FUS: variants seen among roughly 807,000 people sequenced by gnomAD.
FUS encodes FUS RNA binding protein, also known as RNA-binding protein FUS.
In FUS, 5 loss-of-function variants were observed where a neutral mutation model predicts 82.7. The observed-to-expected ratio is 0.06, with a 90% confidence interval of 0.03 to 0.13. The LOEUF (loss-of-function observed/expected upper bound fraction) is 0.13. Ranked by LOEUF, FUS falls within the 10% of genes least tolerant of loss-of-function variation. FUS has a pLI of 1.00. For synonymous variants in FUS, 281 were observed against 247.4 expected, an observed-to-expected ratio of 1.14 and a Z score of -1.27; for missense variants, 512 against 707.8, an observed-to-expected ratio of 0.72 and a Z score of 3.14.
At position 31,182,220 on chromosome 16, in the gene FUS, A is replaced by G. The variant is rs140534418; in HGVS notation, c.14-178A>G. The G allele has an allele frequency of 6.2e-5, 44 of 711,384 alleles. No individual in the cohort carries two copies. The Middle Eastern group carries it at 7.1e-4, about 12-fold the overall frequency. The allele number at this position is 711,384 out of a possible 1,614,324, so 44.1% of individuals were successfully genotyped here. A position where few individuals can be genotyped will look rare whatever the true frequency, so the allele number is the denominator to read the frequency against. ...TGGTCAGGCCAGTCTCGAATTCCTG[A>G]CCTCAAGTGATCCACCCACCTCGGC... On this transcript the variant is annotated intron_variant, in intron 1 of 14. Transcript: ENST00000254108.
rs541388133 is a variant in FUS, at chr16:31,184,866, C to G, written c.524-73C>G. The G allele has an allele frequency of 3.9e-6, 6 of 1,523,706 alleles. No individual in the cohort carries two copies. In the African/African-American group the frequency reaches 4.1e-5, roughly 10 times the overall value. 94.4% of individuals were successfully genotyped at this position (1,523,706 alleles called of 1,614,324 possible). A position where few individuals can be genotyped will look rare whatever the true frequency, so the allele number is the denominator to read the frequency against. On this transcript the variant is annotated intron_variant, in intron 5 of 14. Transcript: ENST00000254108. ...CTTCATTGCCTGGCACTTGTCAAACCTTTTCAAACCTTTTAGTGCTACTTT... is the reference window on the plus strand; with the variant it reads ...CTTCATTGCCTGGCACTTGTCAAACGTTTTCAAACCTTTTAGTGCTACTTT...
chr16:31,184,432 C>A, intron 5 of FUS, 36 bp downstream of exon 5: 404 of 1,283,060 alleles, frequency 3.1e-4, no homozygotes, highest in Non-Finnish European at 4.0e-4. Flanking sequence ...AGCCCATTTT[C>A]TTTTTCTTTT....
Position 31,191,379 on chromosome 16 carries a change from T to G in FUS, c.1542-20T>G, listed in dbSNP as rs2079356682. 1.2e-6 allele frequency: 1 copy of G among 857,570 alleles called. No homozygotes were observed. Among genetic ancestry groups the G allele is most frequent in the African/African-American group, 1.7e-5 (1 of 57,328 alleles). The allele number at this position is 857,570 out of a possible 1,614,324, so 53.1% of individuals were successfully genotyped here. A position where few individuals can be genotyped will look rare whatever the true frequency, so the allele number is the denominator to read the frequency against. On this transcript the variant is annotated intron_variant, in intron 14 of 14. Coordinates refer to ENST00000254108, the MANE Select transcript of FUS (RefSeq NM_004960.4). ...AACTCAAATATAATGGATACTTAAT[T>G]TTTTTTTTTTTTTTTGCAGGGGTGA...
At chr16:31,194,469 T>G (rs1404191617), downstream of FUS, 4 of 501,084 alleles carry the variant, frequency 8.0e-6, no homozygotes, top group Non-Finnish European at 1.2e-5. Context: ...AATTTTTTTT[T>G]GTATTTTTTG....
At chr16:31,193,132 G>T (rs1030270218), downstream of FUS, 3 of 484,546 alleles carry the variant, frequency 6.2e-6, no homozygotes, top group African/African-American at 5.9e-5. Flanking sequence ...AGTAGAGACG[G>T]GGTTTCTCCA....
At chr16:31,180,490 G>A (rs2058039352) in intron 1 of FUS, among the ~76,000 whole-genome samples, 1 of 152,160 alleles carries the variant, frequency 6.6e-6, no homozygotes, top group African/African-American at 2.4e-5. Context: ...GCTTCTTAGG[G>A]GTTTGAAGCG....
intron 1 of FUS, among the ~76,000 whole-genome samples, chr16:31,182,015 T>TA (rs990238346): frequency 7.2e-5 from 11 of 152,178 alleles, no homozygotes; most frequent in African/African-American, 2.7e-4. Flanking sequence ...TTTTATTTTT[T>TA]TTTTTGAGAT....
intron 12 of FUS, 161 bp from the exon 13 acceptor site, chr16:31,190,581 G>A (rs2079339639): frequency 3.4e-6 from 4 of 1,172,204 alleles, no homozygotes; most frequent in Admixed American, 3.4e-5. Context: ...ATTGGGTTCA[G>A]TAATACTGAT....
chr16:31,188,193 C>T (rs1224621722), intron 7 of FUS, 132 bp from the exon 8 acceptor site: 9 of 932,398 alleles, frequency 9.7e-6, no homozygotes, highest in South Asian at 1.5e-5. Context: ...AGGCTGTGAG[C>T]ACTTACTTGA....
downstream of FUS, chr16:31,194,057 G>A (rs561018657): frequency 3.7e-6 from 2 of 534,304 alleles, no homozygotes; most frequent in South Asian, 3.1e-5. Context: ...AGGGTGGGGA[G>A]AGCTGTGCTG....
At chr16:31,192,850 G>A (rs1193656345), downstream of FUS, 18 of 484,054 alleles carry the variant, frequency 3.7e-5, no homozygotes, top group Non-Finnish European at 4.1e-6. Context: ...GGAATTACAG[G>A]CATGAGCCGC....
downstream of FUS, chr16:31,193,180 G>A (rs2079383272): frequency 2.0e-6 from 1 of 489,932 alleles, no homozygotes; most frequent in East Asian, 4.8e-5. Context: ...GACCTCAGGT[G>A]ATGTGCACAC....
chr16:31,192,504 A>G (rs1170829864), downstream of FUS: 1 of 515,130 alleles, frequency 1.9e-6, no homozygotes, highest in Admixed American at 2.3e-5. Context: ...TGCCATCACA[A>G]GCATAGCTTA....
At position 31,184,075 on chromosome 16, in the gene FUS, A is replaced by G; in HGVS notation, c.335+73A>G. On this transcript the variant is annotated intron_variant, in intron 4 of 14. Coordinates refer to ENST00000254108, the MANE Select transcript of FUS (RefSeq NM_004960.4). ...GATGAGGAATGATAAAGGGACCAGCAGTAGGAGCAGTTCAGAGGTGTAATT... is the reference window on the plus strand; with the variant it reads ...GATGAGGAATGATAAAGGGACCAGCGGTAGGAGCAGTTCAGAGGTGTAATT... The G allele has an allele frequency of 1.9e-6, 3 of 1,612,598 alleles. No homozygotes were observed. The South Asian group carries it at 3.3e-5, about 18-fold the overall frequency.
At chr16:31,188,298 T>C (rs2079301112) in intron 7 of FUS, 27 bp from the exon 8 acceptor site, 3 of 1,611,008 alleles carry the variant, frequency 1.9e-6, no homozygotes, top group Non-Finnish European at 2.5e-6. Flanking sequence ...TGTTTTTTTT[T>C]TGTTCTTTTT....
rs375535815 is a variant in FUS at position 31,184,377 on chromosome 16, A to T, written c.504A>T (p.Gly168=). 6 of 1,532,934 alleles carry T rather than the reference A, an allele frequency of 3.9e-6. No individual in the cohort carries two copies. The highest frequency in any genetic ancestry group is 2.5e-5 in the East Asian group (1 of 39,262). The allele number at this position is 1,532,934 out of a possible 1,614,324, so 95.0% of individuals were successfully genotyped here. A position where few individuals can be genotyped will look rare whatever the true frequency, so the allele number is the denominator to read the frequency against. Residue 168 remains glycine (G), a synonymous_variant, in exon 5 of 15, where the codon GGA becomes GGT. Transcript: ENST00000254108. ...QNQYNSSSGG[G]GGGGGGGNYG... ...AGTACAACAGCAGCAGTGGTGGTGG[A>T]GGTGGAGGTGGAGGTGGAGGTGAGA...
At chr16:31,192,502 C>G (rs1567480770), downstream of FUS, 1 of 515,592 alleles carries the variant, frequency 1.9e-6, no homozygotes, top group South Asian at 1.5e-5. Flanking sequence ...GCTGCCATCA[C>G]AAGCATAGCT....
chr16:31,187,531 A>G (rs1381911263), intron 7 of FUS: 2 of 229,098 alleles, frequency 8.7e-6, no homozygotes, highest in Admixed American at 1.1e-4. Context: ...GAAAAATGAC[A>G]AATTTGAGAA....
chr16:31,188,940 T>C, intron 8 of FUS, 183 bp from the exon 9 acceptor site: 1 of 627,368 alleles, frequency 1.6e-6, no homozygotes, highest in Non-Finnish European at 2.8e-6. Context: ...ATTGTCAAAC[T>C]GAATCTGAAA....
Sources: gnomAD v4.1 joint callset for allele counts (sites outside exome capture counted in the v4.1 genomes callset) on GRCh38, gnomAD v4.1.1 for gene constraint, MANE v1.5 for transcripts, NCBI Gene and HGNC (gene_info 2026-07-23, HGNC 2026-07-21) for gene names.